Variants in GOT2 observed in about 807,000 individuals in gnomAD.
The protein encoded by GOT2 is aspartate aminotransferase, mitochondrial.
GOT2 carries 17 observed loss-of-function variants against 50.0 expected under a neutral mutation model. That is an observed-to-expected ratio of 0.34 (90% CI 0.23 to 0.51). The LOEUF is 0.51. GOT2 is among the 20% of genes least tolerant of loss of function. The pLI is 0.97. For missense variants in GOT2, 430 were observed against 559.6 expected (o/e 0.77, Z 2.34); for synonymous variants, 172 against 204.9 (o/e 0.84, Z 1.37).
intron 6 of GOT2, among the ~76,000 whole-genome samples, chr16:58,717,091 T>A (rs756203345): frequency 1.4e-4 from 21 of 152,176 alleles, no homozygotes; most frequent in Non-Finnish European, 2.6e-4. Flanking sequence ...AAAGGGAAAC[T>A]GGCCAGGCAT....
At chr16:58,727,352 C>T (rs951354586) in intron 1 of GOT2, among the ~76,000 whole-genome samples, 1 of 148,662 alleles carries the variant, frequency 6.7e-6, no homozygotes, top group African/African-American at 2.5e-5. Context: ...AATGACTTCA[C>T]CTACAATATA....
At chr16:58,716,601 A>T (rs899050226) in intron 7 of GOT2, 62 bp downstream of exon 7, 5 of 1,420,902 alleles carry the variant, frequency 3.5e-6, no homozygotes, top group Non-Finnish European at 4.9e-6. Context: ...CACAAGCTCT[A>T]TGCCCTCGTG....
chr16:58,712,320 T>C (rs2044655486), intron 8 of GOT2, among the ~76,000 whole-genome samples: 2 of 152,206 alleles, frequency 1.3e-5, no homozygotes, highest in South Asian at 2.1e-4. Context: ...GAGACCAGCC[T>C]GGCCAATGTG....
In GOT2 at chr16:58,709,501, G is replaced by A. The variant is rs113876472; in HGVS notation, c.1086C>T (p.Leu362=). The change falls in exon 9 of 10, where the codon CTC becomes CTT. Residue 362 remains leucine (L), a synonymous_variant. Transcript: ENST00000245206. ...IGMRTQLVSN[L]KKEGSTHNWQ... ...AATTGTGGGTGGAACCCTCCTTCTT[G>A]AGGTTGGAGACCAGTTGAGTCCGCA... 6.2e-7 allele frequency: 1 copy of A among 1,613,814 alleles called. No homozygotes were observed. Among genetic ancestry groups the A allele is most frequent in the South Asian group, 1.1e-5 (1 of 91,068 alleles).
rs2044618637 is a variant in GOT2 at position 58,708,260 on chromosome 16, T to C, written c.1204A>G (p.Met402Val). 1 of 1,614,046 alleles carries C rather than the reference T, an allele frequency of 6.2e-7. No individual in the cohort carries two copies. The highest frequency in any genetic ancestry group is 1.1e-5 in the South Asian group (1 of 91,082). Residue 402 changes from methionine to valine, a missense_variant, in exon 10 of 10, where the codon ATG (methionine) becomes GTG (valine). Met to Val is a conservative substitution (Grantham distance 21). Coordinates refer to ENST00000245206, the MANE Select transcript of GOT2 (RefSeq NM_002080.4). ...ACAGAGATGCGGCCATCTTTTGTCA[T>C]GTAGATGGAGAACTCCTTGATCAGC... The part of the protein sequence containing the change: ...ERLIKEFSIY[M>V]TKDGRISVAG...
rs1046757625 is a variant in GOT2 at position 58,734,270 on chromosome 16, A to G, written c.-42T>C. On this transcript the variant is annotated 5_prime_UTR_variant, in exon 1 of 10. Transcript: ENST00000245206. ...GCAGTGGGCAGCCGCAGGACGGAGC[A>G]GAGGGCGAGCGGACACACACACAGG... is the stretch of plus-strand genomic sequence containing the variant. 16 of 1,113,858 alleles carry G rather than the reference A, an allele frequency of 1.4e-5. No homozygotes were observed. Among genetic ancestry groups the G allele is most frequent in the East Asian group, 6.0e-5 (2 of 33,496 alleles). The allele number at this position is 1,113,858 out of a possible 1,614,324, so 69.0% of individuals were successfully genotyped here.
At chr16:58,721,386 A>C (rs924473662) in intron 3 of GOT2, among the ~76,000 whole-genome samples, 3 of 152,180 alleles carry the variant, frequency 2.0e-5, no homozygotes, top group African/African-American at 7.2e-5. Flanking sequence ...TGGGCTGTGA[A>C]GGGACAGCAG....
At chr16:58,723,582 C>G (rs1167486771) in intron 2 of GOT2, among the ~76,000 whole-genome samples, 164 bp downstream of exon 2, 2 of 152,186 alleles carry the variant, frequency 1.3e-5, no homozygotes, top group Non-Finnish European at 2.9e-5. Flanking sequence ...CTCACCTTTA[C>G]AGTCAAGGAG....
intron 2 of GOT2, among the ~76,000 whole-genome samples, chr16:58,723,314 GAA>G (rs1409523822): frequency 2.6e-5 from 4 of 152,184 alleles, no homozygotes; most frequent in Admixed American, 2.6e-4. Flanking sequence ...TCAGCAGGAA[GAA>G]AGGACAGAGC....
chr16:58,733,941 G>A (rs2044856155), intron 1 of GOT2, 199 bp downstream of exon 1: 1 of 398,540 alleles, frequency 2.5e-6, no homozygotes, highest in African/African-American at 2.1e-5. Flanking sequence ...GTGGGATCCT[G>A]AGGATCACTG....
intron 8 of GOT2, among the ~76,000 whole-genome samples, chr16:58,710,936 C>A (rs1214602679): frequency 7.1e-6 from 1 of 140,530 alleles, no homozygotes; most frequent in African/African-American, 2.7e-5. Context: ...CCACTGCACT[C>A]CAGCCTGGGT....
Position 58,716,061 on chromosome 16 carries a change from G to A in GOT2, c.972C>T (p.Ala324=). The A allele has an allele frequency of 8.1e-6, 13 of 1,613,704 alleles. No homozygotes were observed. Among genetic ancestry groups the A allele is most frequent in the Non-Finnish European group, 1.1e-5 (13 of 1,179,838 alleles). Residue 324 remains alanine (A), a synonymous_variant, in exon 8 of 10, where the codon GCC becomes GCT. Coordinates refer to ENST00000245206, the MANE Select transcript of GOT2 (RefSeq NM_002080.4). Reference sequence around the variant, plus strand: ...TGTTCAGAATGGCAGCAGCAATCCGGGCCCCATTGAGGGGAGGGTTGGAAT... The same window carrying A: ...TGTTCAGAATGGCAGCAGCAATCCGAGCCCCATTGAGGGGAGGGTTGGAAT... ...PMYSNPPLNG[A]RIAAAILNTP...
At chr16:58,722,867 G>A (rs112820266) in intron 2 of GOT2, among the ~76,000 whole-genome samples, 238 of 152,226 alleles carry the variant, frequency 1.6e-3, no homozygotes, top group African/African-American at 5.5e-3. Flanking sequence ...ACAAGACCAA[G>A]GTTTAAGAGC....
At chr16:58,716,562 AC>A in intron 7 of GOT2, 100 bp downstream of exon 7, 4 of 127,992 alleles carry the variant, frequency 3.1e-5, no homozygotes, top group South Asian at 9.5e-5. Flanking sequence ...ATGGATGGAC[AC>A]ACACACACAC....
chr16:58,709,353 G>A (rs1187059963), intron 9 of GOT2, 64 bp downstream of exon 9: 4 of 1,256,456 alleles, frequency 3.2e-6, no homozygotes, highest in Non-Finnish European at 4.4e-6. Context: ...AGAAAAAAAA[G>A]TAATCCTTCG....
rs1229615645 is a variant in GOT2, at chr16:58,723,149, A to C, written c.246+597T>G. ...AGGTGAAGTGTGAATGAGGGAATGT[A>C]CAATAGTGCTTGGTAGTGATGCAGG... is the stretch of plus-strand genomic sequence containing the variant. On this transcript the variant is annotated intron_variant, in intron 2 of 9. Coordinates refer to ENST00000245206, the MANE Select transcript of GOT2 (RefSeq NM_002080.4). Among the ~76,000 whole-genome samples the C allele has an allele frequency of 4.9e-4, 74 of 152,234 alleles. 1 individual carries two copies. Among genetic ancestry groups the C allele is most frequent in the Non-Finnish European group, 1.6e-4 (11 of 68,042 alleles).
At chr16:58,718,390 T>A in intron 5 of GOT2, 90 bp from the exon 6 acceptor site, 1 of 1,346,604 alleles carries the variant, frequency 7.4e-7, no homozygotes, top group Non-Finnish European at 1.1e-6. Flanking sequence ...ATTTGATAAG[T>A]AACAAAGGTA....
At chr16:58,709,663 G>GC in intron 8 of GOT2, 96 bp from the exon 9 acceptor site, 1 of 993,056 alleles carries the variant, frequency 1.0e-6, no homozygotes. Context: ...CAGTCCCCTA[G>GC]TGTGCCTCAA....
At chr16:58,721,812 C>A in intron 3 of GOT2, 1 of 154,256 alleles carries the variant, frequency 6.5e-6, no homozygotes, top group Non-Finnish European at 1.4e-5. Context: ...TGGAGTTCTG[C>A]TGTTGTTGCC....
Sources: allele counts gnomAD v4.1 joint callset (sites outside exome capture counted in the v4.1 genomes callset), GRCh38; gene constraint gnomAD v4.1.1; transcripts MANE v1.5; gene names NCBI Gene and HGNC (gene_info 2026-07-23, HGNC 2026-07-21).